Variants in LINS1 observed in about 807,000 individuals in gnomAD.
LINS1 encodes lines homolog 1, also known as protein Lines homolog 1.
LINS1 carries 27 observed loss-of-function variants against 41.6 expected under a neutral mutation model. That is an observed-to-expected ratio of 0.65 (90% CI 0.48 to 0.89). LINS1 has a LOEUF of 0.89. Ranked by LOEUF, LINS1 falls within the 40% of genes least tolerant of loss-of-function variation. The probability of loss-of-function intolerance (pLI) is 0.00; values close to 1 mark genes in which losing one functional copy is unlikely to be tolerated. For missense variants in LINS1, 955 were observed against 884.1 expected, an observed-to-expected ratio of 1.08 and a Z score of -1.02; for synonymous variants, 336 against 312.9, an observed-to-expected ratio of 1.07 and a Z score of -0.78.
Position 100,571,988 on chromosome 15 carries a change from G to T in LINS1, c.1300C>A (p.Pro434Thr). 1 of 1,614,224 alleles carries T rather than the reference G, an allele frequency of 6.2e-7. No homozygotes were observed. Among genetic ancestry groups the T allele is most frequent in the Non-Finnish European group, 8.5e-7 (1 of 1,180,044 alleles). The change falls in exon 6 of 7, where the codon CCG becomes ACG. Residue 434 changes from proline to threonine, a missense_variant. Coordinates refer to ENST00000314742, the MANE Select transcript of LINS1 (RefSeq NM_001040616.3). ...HLQPSLQLHN[P>T]CKWLSRVFIE... ...AAAACCCGAGACAGCCATTTGCACG[G>T]ATTGTGTAATTGCAGAGAGGGCTGA...
chr15:100,569,338 C>T lies in LINS1; in HGVS notation c.2174G>A (p.Arg725His), dbSNP rs150007988. The T allele has an allele frequency of 4.2e-5, 67 of 1,613,852 alleles. No homozygotes were observed. Among genetic ancestry groups the T allele is most frequent in the African/African-American group, 1.7e-4 (13 of 74,858 alleles). ...CFQELQDAIC[R>H]LQKKNLFPYN... ...TGGGAAAAGATTTTTCTTTTGCAAA[C>T]GGCAGATGGCATCTTGTAGTTCCTG... is the stretch of plus-strand genomic sequence containing the variant. Residue 725 changes from arginine to histidine, a missense_variant, in exon 7 of 7, where the codon CGT becomes CAT. Transcript: ENST00000314742.
chr15:100,576,596 C>G (rs2038197556), intron 3 of LINS1: 1 of 152,342 alleles, frequency 6.6e-6, no homozygotes, highest in Non-Finnish European at 1.5e-5. Context: ...ACCAGACGTA[C>G]AAGGAAGAGC....
chr15:100,601,651 G>GTT (rs1455932481), intron 1 of LINS1, among the ~76,000 whole-genome samples: 1 of 151,922 alleles, frequency 6.6e-6, no homozygotes, highest in Non-Finnish European at 1.5e-5. Context: ...ATAATTTTGT[G>GTT]TTTGTTTCCC....
rs2038495755 is a variant in LINS1, at chr15:100,580,707, AGG to A, written c.134_135del (p.Thr45IlefsTer76). The A allele has an allele frequency of 6.2e-7, 1 of 1,613,206 alleles. No individual in the cohort carries two copies. Among genetic ancestry groups the A allele is most frequent in the Non-Finnish European group, 8.5e-7 (1 of 1,179,458 alleles). Reference sequence around the variant, plus strand: ...CCACAGGTGTTTGCCCATTCTAAGGAGGTGGCTGTAGAACAATCTTGATCTGA... The same window carrying A: ...CCACAGGTGTTTGCCCATTCTAAGGATGGCTGTAGAACAATCTTGATCTGA... Reference protein sequence around the residue: ...AVSDQDCSTATSLEWANTCGI... With the variant: ...AVSDQDCSTAXSLEWANTCGI... On this transcript the variant is annotated frameshift_variant, in exon 2 of 7. Transcript: ENST00000314742. LOFTEE classifies it high-confidence loss of function.
At position 100,582,507 on chromosome 15, in the gene LINS1, C is replaced by T. The variant is rs142081068; in HGVS notation, c.-103-1562G>A. On this transcript the variant is annotated intron_variant, in intron 1 of 6. Coordinates refer to ENST00000314742, the MANE Select transcript of LINS1 (RefSeq NM_001040616.3). The stretch of plus-strand genomic sequence containing the variant: ...ATTGGGTCTTCTGTCTACACTATGG[C>T]CCACCAGCCTAGTCTTGGTCTTACA... 2.5e-3 allele frequency among the ~76,000 whole-genome samples: 350 copies of T among 141,576 alleles called. 31 individuals are homozygous for T. Among genetic ancestry groups the T allele is most frequent in the African/African-American group, 8.9e-3 (333 of 37,326 alleles). 92.9% of individuals were successfully genotyped at this position (141,576 alleles called of 152,430 possible).
intron 1 of LINS1, among the ~76,000 whole-genome samples, chr15:100,582,681 T>C (rs113752422): frequency 1.8e-4 from 22 of 120,738 alleles, no homozygotes; most frequent in Middle Eastern, 5.6e-3. Flanking sequence ...CTTGGTCTTA[T>C]ACTGGGTCTT....
In LINS1 at chr15:100,572,447, A is replaced by C; in HGVS notation, c.1223-382T>G. The C allele has an allele frequency of 5.7e-6, 6 of 1,059,638 alleles. No homozygotes were observed. The South Asian group carries it at 1.7e-4, about 31-fold the overall frequency. 65.6% of individuals were successfully genotyped at this position (1,059,638 alleles called of 1,614,324 possible). A position where few individuals can be genotyped will look rare whatever the true frequency, so the allele number is the denominator to read the frequency against. On this transcript the variant is annotated intron_variant, in intron 5 of 6. Coordinates refer to ENST00000314742, the MANE Select transcript of LINS1 (RefSeq NM_001040616.3). ...GTCTGTCCAAGAATGCAACCAAGCA[A>C]AAATAATTTTGTCTTCAAAATAACA...
chr15:100,589,690 T>C (rs1438947896), intron 1 of LINS1, among the ~76,000 whole-genome samples: 1 of 152,206 alleles, frequency 6.6e-6, no homozygotes, highest in Non-Finnish European at 1.5e-5. Flanking sequence ...TTATAGCCAA[T>C]GTTTGGGCCC....
In LINS1 at chr15:100,569,978, A is replaced by G; in HGVS notation, c.1534T>C (p.Phe512Leu). ...IGFDSTVLLD[F>L]LISSETCFLE... ...AAACAGGTTTCTGATGAAATCAAAA[A>G]GTCAAGAAGAACTGTGGAATCAAAT... The change falls in exon 7 of 7, where the codon TTT becomes CTT. Residue 512 changes from phenylalanine to leucine, a missense_variant. Coordinates refer to ENST00000314742, the MANE Select transcript of LINS1 (RefSeq NM_001040616.3). The G allele has an allele frequency of 6.4e-7, 1 of 1,572,210 alleles. No individual in the cohort carries two copies. Among genetic ancestry groups the G allele is most frequent in the Non-Finnish European group, 8.6e-7 (1 of 1,160,166 alleles).
At chr15:100,594,624 T>A (rs970113832) in intron 1 of LINS1, among the ~76,000 whole-genome samples, 7 of 152,200 alleles carry the variant, frequency 4.6e-5, no homozygotes, top group Admixed American at 6.5e-5. Context: ...GATCTCAAGA[T>A]TACTTAAAAT....
intron 3 of LINS1, among the ~76,000 whole-genome samples, chr15:100,579,290 T>C (rs1209736991): frequency 6.6e-6 from 1 of 151,760 alleles, no homozygotes; most frequent in Non-Finnish European, 1.5e-5. Context: ...CACTTCAAAA[T>C]CTCCTCTTAG....
chr15:100,591,847 C>T (rs1400587129), intron 1 of LINS1, among the ~76,000 whole-genome samples: 1 of 152,148 alleles, frequency 6.6e-6, no homozygotes, highest in Admixed American at 6.5e-5. Flanking sequence ...GTGCCCCAAG[C>T]CAGCATGAAG....
At position 100,570,030 on chromosome 15, in the gene LINS1, A is replaced by G. The variant is rs748556659; in HGVS notation, c.1482T>C (p.Ile494=). 2.8e-5 allele frequency: 44 copies of G among 1,555,412 alleles called. No individual in the cohort carries two copies. The African/African-American group carries it at 5.8e-4, about 20-fold the overall frequency. ...CTATATTTTTCAAGAAGAACAAGAA[A>G]ATACAGTGAGGATTATAGCCATTTT... ...THENGYNPHC[I]FLFFLKNIGF... is the part of the protein sequence containing the mutation. The change falls in exon 7 of 7, where the codon ATT becomes ATC. Residue 494 remains isoleucine (I), a synonymous_variant. Coordinates refer to ENST00000314742, the MANE Select transcript of LINS1 (RefSeq NM_001040616.3).
At chr15:100,574,863 G>A in intron 4 of LINS1, 124 bp downstream of exon 4, 1 of 1,020,090 alleles carries the variant, frequency 9.8e-7, no homozygotes, top group Non-Finnish European at 1.5e-6. Context: ...TATATTGGAA[G>A]AGACTGACTT....
chr15:100,568,387 A>T lies in LINS1; in HGVS notation c.*851T>A, dbSNP rs2037630369. On this transcript the variant is annotated 3_prime_UTR_variant, in exon 7 of 7. Transcript: ENST00000314742. Reference sequence around the variant, plus strand: ...TGTCATCAAGTTGAGATCATACTGGATGAGGGTAGGTCCTAGTCCAATGAC... The same window carrying T: ...TGTCATCAAGTTGAGATCATACTGGTTGAGGGTAGGTCCTAGTCCAATGAC... The T allele has an allele frequency of 6.6e-6, 1 of 152,162 alleles. No homozygotes were observed. Among genetic ancestry groups the T allele is most frequent in the Non-Finnish European group, 1.5e-5 (1 of 68,044 alleles). The allele number at this position is 152,162 out of a possible 1,614,324, so 9.4% of individuals were successfully genotyped here.
At chr15:100,587,929 C>T (rs2038879104) in intron 1 of LINS1, among the ~76,000 whole-genome samples, 1 of 152,152 alleles carries the variant, frequency 6.6e-6, no homozygotes, top group Admixed American at 6.5e-5. Context: ...CTAGGGTCAC[C>T]AGGGCTGGTC....
chr15:100,594,260 T>G (rs144120838), intron 1 of LINS1, among the ~76,000 whole-genome samples: 2,375 of 152,360 alleles, frequency 0.016, 37 homozygotes, highest in Non-Finnish European at 0.022. Context: ...TATCTGAGGT[T>G]GGTTGAATCT....
At position 100,580,255 on chromosome 15, in the gene LINS1, T is replaced by C. The variant is rs2038455278; in HGVS notation, c.489+8A>G. The stretch of plus-strand genomic sequence containing the variant: ...GAAATAATAACATACTTTGATTACT[T>C]ATCTTACCTTTTCTCTCAATTGGAA... On this transcript the variant is annotated splice_region_variant and intron_variant, in intron 3 of 6. Transcript: ENST00000314742. 1 of 1,567,298 alleles carries C rather than the reference T, an allele frequency of 6.4e-7. No individual in the cohort carries two copies. The highest frequency in any genetic ancestry group is 1.4e-5 in the African/African-American group (1 of 73,844).
chr15:100,568,915 G>T lies in LINS1; in HGVS notation c.*323C>A. 1 of 231,782 alleles carries T rather than the reference G, an allele frequency of 4.3e-6. No individual in the cohort carries two copies. Among genetic ancestry groups the T allele is most frequent in the Non-Finnish European group, 8.6e-6 (1 of 116,890 alleles). 14.4% of individuals were successfully genotyped at this position (231,782 alleles called of 1,614,324 possible). ...CGGACAGGCGGATCACTTGAGGTCAGGAGTTTGAGACCAGCCTGGCAACAT... is the reference window on the plus strand; with the variant it reads ...CGGACAGGCGGATCACTTGAGGTCATGAGTTTGAGACCAGCCTGGCAACAT... On this transcript the variant is annotated 3_prime_UTR_variant, in exon 7 of 7. Transcript: ENST00000314742.
Sources: gnomAD v4.1 joint callset for allele counts (sites outside exome capture counted in the v4.1 genomes callset) on GRCh38, gnomAD v4.1.1 for gene constraint, MANE v1.5 for transcripts, NCBI Gene and HGNC (gene_info 2026-07-23, HGNC 2026-07-21) for gene names.